PTPRD: variants seen among roughly 807,000 people sequenced by gnomAD.
The protein encoded by PTPRD is protein tyrosine phosphatase receptor type D, also known as receptor-type tyrosine-protein phosphatase delta.
A neutral mutation model predicts 214.5 loss-of-function variants in PTPRD; 34 were observed. That is an observed-to-expected ratio of 0.16 (90% CI 0.12 to 0.21). The LOEUF is 0.21. Ranked by LOEUF, PTPRD falls within the 10% of genes least tolerant of loss-of-function variation. PTPRD has a pLI of 1.00. For synonymous variants in PTPRD, 1,128 were observed against 845.7 expected, an observed-to-expected ratio of 1.33 and a Z score of -5.79; for missense variants, 2,545 against 2,398.7, an observed-to-expected ratio of 1.06 and a Z score of -1.27.
chr9:10,423,241 T>A (rs138478934), intron 2 of PTPRD, among the ~76,000 whole-genome samples: 1 of 151,828 alleles, frequency 6.6e-6, no homozygotes, highest in Non-Finnish European at 1.5e-5. Flanking sequence ...CACTCATAGG[T>A]GGGAATTGAA....
intron 3 of PTPRD, among the ~76,000 whole-genome samples, chr9:10,307,222 C>T (rs1006312093): frequency 6.7e-6 from 1 of 149,260 alleles, no homozygotes; most frequent in South Asian, 2.2e-4. Context: ...TCATCCACCA[C>T]CAAACATCTC....
At chr9:9,943,875 T>G (rs557652478) in intron 4 of PTPRD, among the ~76,000 whole-genome samples, 1 of 152,262 alleles carries the variant, frequency 6.6e-6, no homozygotes, top group Admixed American at 6.5e-5. Flanking sequence ...TAGCCCCAGC[T>G]CTCATCCCAA....
At chr9:10,361,336 C>T (rs569260094) in intron 2 of PTPRD, among the ~76,000 whole-genome samples, 1 of 152,076 alleles carries the variant, frequency 6.6e-6, no homozygotes, top group Non-Finnish European at 1.5e-5. Flanking sequence ...ATGCAAATAA[C>T]CCCCTGGTGT....
intron 44 of PTPRD, among the ~76,000 whole-genome samples, chr9:8,329,696 T>C (rs558822762): frequency 4.3e-4 from 65 of 152,174 alleles, no homozygotes; most frequent in Non-Finnish European, 7.3e-4. Flanking sequence ...GGCTGCTGTC[T>C]TTCTTTCAGA....
intron 11 of PTPRD, among the ~76,000 whole-genome samples, chr9:8,973,752 C>G (rs1198815646): frequency 1.3e-5 from 2 of 152,014 alleles, no homozygotes; most frequent in African/African-American, 4.8e-5. Flanking sequence ...TTAATAATCA[C>G]CATTCTGAGT....
At chr9:9,437,345 T>C (rs1030663008) in intron 8 of PTPRD, among the ~76,000 whole-genome samples, 1 of 152,196 alleles carries the variant, frequency 6.6e-6, no homozygotes, top group Admixed American at 6.6e-5. Context: ...CAAAATAAGC[T>C]GAATATAACT....
intron 3 of PTPRD, among the ~76,000 whole-genome samples, chr9:10,045,907 T>C (rs1268665928): frequency 6.6e-6 from 1 of 151,748 alleles, no homozygotes; most frequent in African/African-American, 2.4e-5. Flanking sequence ...CTCATGATGT[T>C]TTCAATTTTC....
intron 11 of PTPRD, among the ~76,000 whole-genome samples, chr9:8,768,687 T>C (rs1448354995): frequency 6.6e-6 from 1 of 152,224 alleles, no homozygotes; most frequent in Non-Finnish European, 1.5e-5. Context: ...GTTACTGTTT[T>C]ATTTTTCCCA....
chr9:9,932,448 G>A (rs1286841751), intron 5 of PTPRD, among the ~76,000 whole-genome samples: 41 of 145,824 alleles, frequency 2.8e-4, no homozygotes, highest in African/African-American at 4.8e-4. Flanking sequence ...CTCAGGAGCC[G>A]ATGCAATCAA....
rs143424545 is a variant in PTPRD at position 8,529,292 on chromosome 9, G to A, written c.353-513C>T. The stretch of plus-strand genomic sequence containing the variant: ...GGGGAACAAGCAGAAGCTAGGTCAC[G>A]CTATCTGTTTCAAAGCTGGTATGTT... On this transcript the variant is annotated intron_variant, in intron 14 of 45. Coordinates refer to ENST00000381196, the MANE Select transcript of PTPRD (RefSeq NM_002839.4). 5.9e-3 allele frequency among the ~76,000 whole-genome samples: 899 copies of A among 152,110 alleles called. 9 individuals are homozygous for A. Among genetic ancestry groups the A allele is most frequent in the African/African-American group, 0.02 (813 of 41,520 alleles).
chr9:10,213,882 A>G (rs1043293243), intron 3 of PTPRD, among the ~76,000 whole-genome samples: 1 of 152,028 alleles, frequency 6.6e-6, no homozygotes, highest in Non-Finnish European at 1.5e-5. Context: ...GAGATTATAC[A>G]AGCTTCAGAA....
At chr9:8,488,452 T>C (rs1470924562) in intron 27 of PTPRD, among the ~76,000 whole-genome samples, 1 of 152,192 alleles carries the variant, frequency 6.6e-6, no homozygotes, top group Non-Finnish European at 1.5e-5. Flanking sequence ...TGTGTTGTGT[T>C]GTATATATAA....
At chr9:8,627,449 C>T (rs79741651) in intron 14 of PTPRD, among the ~76,000 whole-genome samples, 9 of 151,820 alleles carry the variant, frequency 5.9e-5, no homozygotes, top group East Asian at 1.9e-4. Context: ...TTCTATGGTT[C>T]GGTTAACAAG....
chr9:9,795,792 A>T (rs1357601727), intron 5 of PTPRD, among the ~76,000 whole-genome samples: 1 of 152,160 alleles, frequency 6.6e-6, no homozygotes, highest in African/African-American at 2.4e-5. Flanking sequence ...ATGTCTTACC[A>T]CATCTGACAC....
chr9:10,120,294 T>C (rs1225946085), intron 3 of PTPRD, among the ~76,000 whole-genome samples: 1 of 151,724 alleles, frequency 6.6e-6, no homozygotes, highest in African/African-American at 2.4e-5. Flanking sequence ...ATATTTTCCT[T>C]TAGTTAAATG....
chr9:10,014,280 T>C (rs1017714715), intron 4 of PTPRD, among the ~76,000 whole-genome samples: 1 of 152,042 alleles, frequency 6.6e-6, no homozygotes, highest in Non-Finnish European at 1.5e-5. Context: ...GGCTAAGTAA[T>C]TTGAGCTGCA....
intron 11 of PTPRD, among the ~76,000 whole-genome samples, chr9:8,900,058 C>A (rs10977343): frequency 2.0e-5 from 3 of 152,058 alleles, no homozygotes; most frequent in African/African-American, 7.2e-5. Context: ...TGTATCAAAA[C>A]TGCATTGTCA....
At chr9:10,419,557 T>C (rs1334317640) in intron 2 of PTPRD, among the ~76,000 whole-genome samples, 1 of 151,822 alleles carries the variant, frequency 6.6e-6, no homozygotes, top group Admixed American at 6.6e-5. Flanking sequence ...ATAAATCAGG[T>C]CAGAATATAC....
chr9:9,956,047 G>A (rs553725639), intron 4 of PTPRD, among the ~76,000 whole-genome samples: 1 of 152,168 alleles, frequency 6.6e-6, no homozygotes, highest in South Asian at 2.1e-4. Context: ...CCCACTAACT[G>A]TTGATCACGT....
Sources: allele counts gnomAD v4.1 joint callset (sites outside exome capture counted in the v4.1 genomes callset), GRCh38; gene constraint gnomAD v4.1.1; transcripts MANE v1.5; gene names NCBI Gene and HGNC (gene_info 2026-07-23, HGNC 2026-07-21).